SLC25A24: variants seen among roughly 807,000 people sequenced by gnomAD.
The protein encoded by SLC25A24 is solute carrier family 25 member 24.
In SLC25A24, 49 loss-of-function variants were observed where a neutral mutation model predicts 60.7. The observed-to-expected ratio is 0.81, with a 90% CI of 0.64 to 1.02. SLC25A24 has a LOEUF of 1.02. Ranked by LOEUF, SLC25A24 falls within the 50% of genes least tolerant of loss-of-function variation. SLC25A24 has a pLI of 0.00. For synonymous variants in SLC25A24, 202 were observed against 200.6 expected, an observed-to-expected ratio of 1.01 and a Z score of -0.06; for missense variants, 564 against 586.3, an observed-to-expected ratio of 0.96 and a Z score of 0.39.
At chr1:108,199,470 G>A (rs181706709) in intron 1 of SLC25A24, 14 of 171,268 alleles carry the variant, frequency 8.2e-5, no homozygotes, top group Admixed American at 3.7e-4. Flanking sequence ...AGGAAGTGGG[G>A]GAAACACGCG....
At chr1:108,154,064 TTTTC>T (rs1054608828) in intron 6 of SLC25A24, among the ~76,000 whole-genome samples, 6 of 109,806 alleles carry the variant, frequency 5.5e-5, no homozygotes, top group Non-Finnish European at 9.2e-5. Flanking sequence ...GGAGACTAGA[TTTTC>T]TTTAATTTTT....
chr1:108,181,648 AG>A (rs558304969), intron 3 of SLC25A24, among the ~76,000 whole-genome samples: 49 of 152,322 alleles, frequency 3.2e-4, no homozygotes, highest in African/African-American at 1.1e-3. Context: ...ATGGAGAAAA[AG>A]CAACACCAAA....
In SLC25A24 at chr1:108,155,083, A is replaced by G; in HGVS notation, c.722T>C (p.Met241Thr). 5.6e-6 allele frequency: 9 copies of G among 1,612,914 alleles called. No homozygotes were observed. Among genetic ancestry groups the G allele is most frequent in the East Asian group, 2.2e-5 (1 of 44,786 alleles). The change falls in exon 6 of 10, where the codon ATG becomes ACG. Residue 241 changes from methionine to threonine, a missense_variant. Met to Thr is a moderately conservative substitution (Grantham distance 81). Coordinates refer to ENST00000565488, the MANE Select transcript of SLC25A24 (RefSeq NM_013386.5). Reference sequence around the variant, plus strand: ...CGAGCGGATACCTCCTTCTTTTACCATCTGTCGAAAGCCACCAAATATGTT... The same window carrying G: ...CGAGCGGATACCTCCTTCTTTTACCGTCTGTCGAAAGCCACCAAATATGTT... ...KMNIFGGFRQ[M>T]VKEGGIRSLW... is the part of the protein sequence containing the mutation.
intron 3 of SLC25A24, among the ~76,000 whole-genome samples, chr1:108,166,667 G>C (rs1471123428): frequency 1.3e-5 from 2 of 151,768 alleles, no homozygotes; most frequent in Admixed American, 6.6e-5. Context: ...GCACTTCTCT[G>C]TATTGGTTAT....
intron 3 of SLC25A24, among the ~76,000 whole-genome samples, chr1:108,181,181 A>G (rs1647919036): frequency 1.3e-5 from 2 of 152,124 alleles, no homozygotes; most frequent in African/African-American, 4.8e-5. Flanking sequence ...AAAGGATGAA[A>G]ATGCTATTGG....
chr1:108,188,480 T>C (rs613482), intron 1 of SLC25A24, among the ~76,000 whole-genome samples: 109,640 of 152,090 alleles, frequency 0.72, 40,209 homozygotes, highest in African/African-American at 0.86. Flanking sequence ...AAGTAACCTG[T>C]TATAATCCAA....
intron 7 of SLC25A24, among the ~76,000 whole-genome samples, chr1:108,147,894 A>ACTCT (rs143754371): frequency 6.0e-5 from 9 of 149,468 alleles, no homozygotes; most frequent in South Asian, 4.2e-4. Flanking sequence ...CATCTTAGGC[A>ACTCT]CTCTCTCTCT....
intron 1 of SLC25A24, among the ~76,000 whole-genome samples, chr1:108,193,614 C>T (rs925428530): frequency 1.4e-5 from 2 of 139,628 alleles, no homozygotes; most frequent in African/African-American, 5.0e-5. Context: ...TTGTAGGAAT[C>T]CTTTTCTAAG....
At position 108,161,202 on chromosome 1, in the gene SLC25A24, G is replaced by A. The variant is rs151259113; in HGVS notation, c.490C>T (p.Arg164Cys). The change falls in exon 4 of 10, where the codon CGT becomes TGT. Residue 164 changes from arginine to cysteine, a missense_variant. Physicochemically the swap from Arg to Cys is radical, Grantham distance 180. Coordinates refer to ENST00000565488, the MANE Select transcript of SLC25A24 (RefSeq NM_013386.5). ...NPVTDIEEIIRFWKHSTGIDI... is the reference protein window; with the variant it reads ...NPVTDIEEIICFWKHSTGIDI... Reference sequence around the variant, plus strand: ...CTTACTGTAGAATGTTTCCAGAAACGGATAATTTCCTCAATGTCTGTAACA... The same window carrying A: ...CTTACTGTAGAATGTTTCCAGAAACAGATAATTTCCTCAATGTCTGTAACA... 3.6e-4 allele frequency: 558 copies of A among 1,561,776 alleles called. No individual in the cohort carries two copies. The highest frequency in any genetic ancestry group is 4.7e-4 in the Non-Finnish European group (536 of 1,134,096).
chr1:108,200,185 G>C lies in SLC25A24; in HGVS notation c.-47C>G, dbSNP rs1006200962. 2.0e-6 allele frequency: 3 copies of C among 1,498,540 alleles called. No individual in the cohort carries two copies. Among genetic ancestry groups the C allele is most frequent in the South Asian group, 2.5e-5 (2 of 79,192 alleles). 92.8% of individuals were successfully genotyped at this position (1,498,540 alleles called of 1,614,324 possible). On this transcript the variant is annotated 5_prime_UTR_variant, in exon 1 of 10. Coordinates refer to ENST00000565488, the MANE Select transcript of SLC25A24 (RefSeq NM_013386.5). Reference sequence around the variant, plus strand: ...CTGGCCGAGGAAGTCACGGGAGATCGAGGGCTGCGGGGCGAGACCGGGACC... The same window carrying C: ...CTGGCCGAGGAAGTCACGGGAGATCCAGGGCTGCGGGGCGAGACCGGGACC...
intron 1 of SLC25A24, among the ~76,000 whole-genome samples, chr1:108,196,834 G>A (rs561978676): frequency 6.6e-6 from 1 of 152,206 alleles, no homozygotes; most frequent in East Asian, 1.9e-4. Flanking sequence ...GGTAGAAGGA[G>A]GAAGACAAGA....
chr1:108,172,228 G>T (rs1253155323), intron 3 of SLC25A24, among the ~76,000 whole-genome samples: 3 of 152,160 alleles, frequency 2.0e-5, no homozygotes, highest in African/African-American at 7.2e-5. Context: ...TACTGAACAG[G>T]TGTAAGTAGG....
rs1679297388 is a variant in SLC25A24 at position 108,136,719 on chromosome 1, A to G, written c.1368T>C (p.Pro456=). The G allele has an allele frequency of 6.2e-7, 1 of 1,614,028 alleles. No individual in the cohort carries two copies. Among genetic ancestry groups the G allele is most frequent in the Admixed American group, 1.7e-5 (1 of 60,010 alleles). ...GITPNFMKVL[P]AVGISYVVYE... ...AAACCACATAACTGATGCCTACAGC[A>G]GGGAGCACCTTCATGAAGTTTGGGG... Residue 456 remains proline (P), a synonymous_variant, in exon 10 of 10, where the codon CCT becomes CCC. Transcript: ENST00000565488.
At chr1:108,176,280 A>G (rs1647671395) in intron 3 of SLC25A24, among the ~76,000 whole-genome samples, 1 of 152,170 alleles carries the variant, frequency 6.6e-6, no homozygotes, top group African/African-American at 2.4e-5. Context: ...GATCAAGAAG[A>G]AGAAAGAAAC....
intron 3 of SLC25A24, among the ~76,000 whole-genome samples, chr1:108,161,977 T>C (rs1315749701): frequency 7.9e-6 from 1 of 126,562 alleles, no homozygotes; most frequent in Non-Finnish European, 1.6e-5. Context: ...CCCCAGAGTG[T>C]GATGTTCCCC....
Position 108,187,927 on chromosome 1 carries a change from G to GATAGATATATATATATAT in SLC25A24, c.184-1974_184-1973insATATATATATATATCTAT. ...TACACGAAATGGATAAGACATTATA[G>GATAGATATATATATATAT]ATATATATATATATATATTCATGCA... is the stretch of plus-strand genomic sequence containing the variant. On this transcript the variant is annotated intron_variant, in intron 1 of 9. Transcript: ENST00000565488. 4.9e-4 allele frequency among the ~76,000 whole-genome samples: 47 copies of GATAGATATATATATATAT among 95,758 alleles called. 2 individuals carry two copies. The highest frequency in any genetic ancestry group is 9.7e-4 in the South Asian group (3 of 3,086). The allele number at this position is 95,758 out of a possible 152,430, so 62.8% of individuals were successfully genotyped here. A position where few individuals can be genotyped will look rare whatever the true frequency, so the allele number is the denominator to read the frequency against.
At position 108,134,839 on chromosome 1, in the gene SLC25A24, A is replaced by G. The variant is rs1481656420; in HGVS notation, c.*1814T>C. ...AACAAGTAATTTTAGAAACAAATATATATTTTTGATAGAAACTGTAAGTAA... is the reference window on the plus strand; with the variant it reads ...AACAAGTAATTTTAGAAACAAATATGTATTTTTGATAGAAACTGTAAGTAA... On this transcript the variant is annotated 3_prime_UTR_variant, in exon 10 of 10. Coordinates refer to ENST00000565488, the MANE Select transcript of SLC25A24 (RefSeq NM_013386.5). 1.3e-5 allele frequency: 2 copies of G among 152,154 alleles called. No homozygotes were observed. The highest frequency in any genetic ancestry group is 2.9e-5 in the Non-Finnish European group (2 of 68,028). The allele number at this position is 152,154 out of a possible 1,614,324, so 9.4% of individuals were successfully genotyped here. A position where few individuals can be genotyped will look rare whatever the true frequency, so the allele number is the denominator to read the frequency against.
At chr1:108,166,858 A>C (rs1680270200) in intron 3 of SLC25A24, among the ~76,000 whole-genome samples, 1 of 152,114 alleles carries the variant, frequency 6.6e-6, no homozygotes, top group Non-Finnish European at 1.5e-5. Context: ...TTGGAGGAGG[A>C]GAGGCACTCT....
chr1:108,161,454 C>T (rs1033730749), intron 3 of SLC25A24, among the ~76,000 whole-genome samples, 161 bp from the exon 4 acceptor site: 1 of 152,168 alleles, frequency 6.6e-6, no homozygotes, highest in Non-Finnish European at 1.5e-5. Flanking sequence ...TGGCAGCAAG[C>T]ATTTTATGGT....
Sources: gnomAD v4.1 joint callset for allele counts (sites outside exome capture counted in the v4.1 genomes callset) on GRCh38, gnomAD v4.1.1 for gene constraint, MANE v1.5 for transcripts, NCBI Gene and HGNC (gene_info 2026-07-23, HGNC 2026-07-21) for gene names.